The following ABTB2 variants were observed in gnomAD, a reference collection of about 807,000 sequenced individuals.
ABTB2 encodes ankyrin repeat and BTB domain containing 2, also known as ankyrin repeat and BTB/POZ domain-containing protein 2.
In ABTB2, 56 loss-of-function variants were observed where a neutral mutation model predicts 104.1. The ratio of observed to expected loss-of-function variants is 0.54; its 90% CI spans 0.43 to 0.67. The LOEUF is 0.67. Among genes scored for constraint, ABTB2 ranks in the 30% least tolerant of loss-of-function variants. The pLI is 0.00. For synonymous variants in ABTB2, 606 were observed against 608.2 expected (o/e 1.00, Z 0.05); for missense variants, 1,279 against 1,407.7 (o/e 0.91, Z 1.46).
chr11:34,187,045 G>C lies in ABTB2; in HGVS notation c.1244+10280C>G, dbSNP rs562170908. 3.3e-5 allele frequency among the ~76,000 whole-genome samples: 5 copies of C among 152,322 alleles called. No homozygotes were observed. The South Asian group carries it at 1.0e-3, about 32-fold the overall frequency. ...AGCTGAGATCTGTCTCTTACCAGCT[G>C]TGATGGTGGGCATGCCTCGGACCTC... On this transcript the variant is annotated intron_variant, in intron 3 of 16. Transcript: ENST00000435224.
chr11:34,297,796 G>T (rs59815177), intron 1 of ABTB2, among the ~76,000 whole-genome samples: 59,211 of 121,334 alleles, frequency 0.49, 15,682 homozygotes, highest in African/African-American at 0.66. Flanking sequence ...AAAAATAAAG[G>T]AAAGAAAAAG....
chr11:34,194,594 C>CTGTAAGCTCAGCGTAATGT (rs1283541703), intron 3 of ABTB2, among the ~76,000 whole-genome samples: 1 of 152,188 alleles, frequency 6.6e-6, no homozygotes, highest in Non-Finnish European at 1.5e-5. Context: ...TGCAGTAATG[C>CTGTAAGCTCAGCGTAATGT]TGTAAGCTCA....
In ABTB2 at chr11:34,167,400, C is replaced by A. The variant is rs747335101; in HGVS notation, c.1654-40G>T. 4.5e-6 allele frequency: 7 copies of A among 1,548,062 alleles called. No homozygotes were observed. The African/African-American group carries it at 8.2e-5, about 18-fold the overall frequency. Reference sequence around the variant, plus strand: ...AAATCATCTGTGTTTTCTGGGCACCCGAGCGAAGGGAGTACCCTGCAGGGA... The same window carrying A: ...AAATCATCTGTGTTTTCTGGGCACCAGAGCGAAGGGAGTACCCTGCAGGGA... On this transcript the variant is annotated intron_variant, in intron 6 of 16. Transcript: ENST00000435224.
intron 2 of ABTB2, among the ~76,000 whole-genome samples, chr11:34,200,151 C>T (rs1028662094): frequency 2.0e-5 from 3 of 152,176 alleles, no homozygotes; most frequent in Non-Finnish European, 2.9e-5. Flanking sequence ...GTCTAAATGT[C>T]ATAACTTTTG....
At chr11:34,156,260 G>A (rs1056893670) in intron 14 of ABTB2, among the ~76,000 whole-genome samples, 2 of 152,218 alleles carry the variant, frequency 1.3e-5, no homozygotes, top group Non-Finnish European at 2.9e-5. Context: ...CTGGAGCCTT[G>A]CTATGGGAGC....
intron 1 of ABTB2, among the ~76,000 whole-genome samples, chr11:34,355,539 C>T (rs6484710): frequency 0.13 from 19,386 of 152,102 alleles, 1,939 homozygotes; most frequent in East Asian, 0.37. Flanking sequence ...AGAATAATGA[C>T]GACACATTAA....
chr11:34,250,528 A>G (rs760753371), intron 1 of ABTB2, among the ~76,000 whole-genome samples: 8 of 152,228 alleles, frequency 5.3e-5, no homozygotes, highest in Non-Finnish European at 8.8e-5. Flanking sequence ...GTTGTGGCCA[A>G]CTGCAACAAT....
Position 34,152,558 on chromosome 11 carries a change from C to T in ABTB2, c.2907G>A (p.Leu969=), listed in dbSNP as rs200861449. ...AKIHNAPELA[L]FCEGFFLKHM... is the part of the protein sequence containing the mutation. ...GCTTGAGGAAGAAGCCCTCACAGAACAGGGCCAGTTCTGGGGCATTGTGGA... is the reference window on the plus strand; with the variant it reads ...GCTTGAGGAAGAAGCCCTCACAGAATAGGGCCAGTTCTGGGGCATTGTGGA... Residue 969 remains leucine, a synonymous_variant, in exon 17 of 17, where the codon CTG becomes CTA. Transcript: ENST00000435224. 141 of 1,612,806 alleles carry T rather than the reference C, an allele frequency of 8.7e-5. No homozygotes were observed. The highest frequency in any genetic ancestry group is 1.2e-4 in the Non-Finnish European group (138 of 1,179,792).
intron 3 of ABTB2, among the ~76,000 whole-genome samples, chr11:34,187,120 C>T (rs1853111079): frequency 6.6e-6 from 1 of 152,188 alleles, no homozygotes; most frequent in African/African-American, 2.4e-5. Flanking sequence ...TAGTTTCCTC[C>T]AAGAGCTACT....
Position 34,162,768 on chromosome 11 carries a change from C to T in ABTB2, c.2026G>A (p.Ala676Thr). 1 of 1,608,422 alleles carries T rather than the reference C, an allele frequency of 6.2e-7. No individual in the cohort carries two copies. Residue 676 changes from alanine (A) to threonine (T), a missense_variant, in exon 10 of 17, where the codon GCT becomes ACT. By Grantham distance (58) the Ala-to-Thr change is moderately conservative (BLOSUM62 0). Coordinates refer to ENST00000435224, the MANE Select transcript of ABTB2 (RefSeq NM_145804.3). ...TCCAGGGACAGCACGTCCGCTTTAG[C>T]CTGCTGTGGCTGCGTCAGGAGCTTC... ...LRKLLTQPQQ[A>T]KADVLSLEEI...
intron 1 of ABTB2, among the ~76,000 whole-genome samples, chr11:34,211,536 A>G (rs1267459880): frequency 1.3e-5 from 2 of 152,074 alleles, no homozygotes; most frequent in African/African-American, 4.8e-5. Context: ...AAATAAGAGG[A>G]AAAACCTGAA....
Position 34,167,272 on chromosome 11 carries a change from A to G in ABTB2, c.1742T>C (p.Ile581Thr), listed in dbSNP as rs1474452192. Reference protein sequence around the residue: ...SLTFAVLHGHISVVQLLLDAG... With the variant: ...SLTFAVLHGHTSVVQLLLDAG... ...GCAGGAGCTCACCTGGACCACAGAG[A>G]TGTGTCCATGCAGCACAGCGAATGT... Residue 581 changes from isoleucine (I) to threonine (T), a missense_variant, in exon 7 of 17, where the codon ATC becomes ACC. Transcript: ENST00000435224. 1 of 1,611,378 alleles carries G rather than the reference A, an allele frequency of 6.2e-7. No individual in the cohort carries two copies. The highest frequency in any genetic ancestry group is 1.1e-5 in the South Asian group (1 of 90,398).
At chr11:34,284,834 C>A (rs952293236) in intron 1 of ABTB2, among the ~76,000 whole-genome samples, 1 of 152,258 alleles carries the variant, frequency 6.6e-6, no homozygotes, top group Non-Finnish European at 1.5e-5. Context: ...TGTGCCTGCA[C>A]ACACCCCACC....
At chr11:34,259,431 G>GA (rs1327688261) in intron 1 of ABTB2, among the ~76,000 whole-genome samples, 8 of 152,220 alleles carry the variant, frequency 5.3e-5, no homozygotes, top group African/African-American at 1.9e-4. Context: ...AACCACCACA[G>GA]AAACTTGCAA....
At position 34,162,670 on chromosome 11, in the gene ABTB2, C is replaced by T. The variant is rs1169453465; in HGVS notation, c.2124G>A (p.Arg708=). ...GGGCCTTGGTGCGGGTCCGGCTCAG[C>T]CGCACGGGCCCCTCGCTGCCACTGC... ...SQGSGSEGPV[R]LSRTRTKALQ... The change falls in exon 10 of 17, where the codon CGG becomes CGA. Residue 708 remains arginine (R), a synonymous_variant. Transcript: ENST00000435224. The T allele has an allele frequency of 1.2e-6, 2 of 1,613,222 alleles. No individual in the cohort carries two copies. The highest frequency in any genetic ancestry group is 1.7e-6 in the Non-Finnish European group (2 of 1,180,006).
At chr11:34,269,692 G>GT (rs1854291464) in intron 1 of ABTB2, among the ~76,000 whole-genome samples, 2 of 152,192 alleles carry the variant, frequency 1.3e-5, no homozygotes, top group Admixed American at 1.3e-4. Flanking sequence ...AACATCATTT[G>GT]TCTTTTGATT....
At position 34,173,242 on chromosome 11, in the gene ABTB2, C is replaced by T. The variant is rs151258781; in HGVS notation, c.1310G>A (p.Arg437His). Reference protein sequence around the residue: ...MRVAITYAEHRRSLTVDSGDI... With the variant: ...MRVAITYAEHHRSLTVDSGDI... ...GCCGCTGTCCACGGTGAGGCTGCGG[C>T]GGTGCTCTGCGTAGGTGATGGCCAC... The change falls in exon 4 of 17, where the codon CGC (arginine) becomes CAC (histidine). Residue 437 changes from arginine (R) to histidine (H), a missense_variant. Transcript: ENST00000435224. 56 of 1,612,382 alleles carry T rather than the reference C, an allele frequency of 3.5e-5. 1 individual carries two copies. The African/African-American group carries it at 4.1e-4, about 12-fold the overall frequency.
chr11:34,336,937 C>G lies in ABTB2; in HGVS notation c.883+19764G>C, dbSNP rs911514569. ...GTCCACAACTATCATATGAGGGAAA[C>G]AGGATTATCCCTATCTTACAGACAA... On this transcript the variant is annotated intron_variant, in intron 1 of 16. Coordinates refer to ENST00000435224, the MANE Select transcript of ABTB2 (RefSeq NM_145804.3). Among the ~76,000 whole-genome samples the G allele has an allele frequency of 1.3e-5, 2 of 152,114 alleles. 1 individual carries two copies. The highest frequency in any genetic ancestry group is 1.3e-4 in the Admixed American group (2 of 15,266).
chr11:34,340,014 C>T (rs1355137644), intron 1 of ABTB2, among the ~76,000 whole-genome samples: 3 of 151,444 alleles, frequency 2.0e-5, no homozygotes, highest in Non-Finnish European at 4.4e-5. Context: ...ATGATAACTG[C>T]ACAGTATGCT....
Sources: allele counts gnomAD v4.1 joint callset (sites outside exome capture counted in the v4.1 genomes callset), GRCh38; gene constraint gnomAD v4.1.1; transcripts MANE v1.5; gene names NCBI Gene and HGNC (gene_info 2026-07-23, HGNC 2026-07-21).